Variants in ARHGEF38 observed in about 807,000 individuals in gnomAD.
The protein encoded by ARHGEF38 is Rho guanine nucleotide exchange factor 38, also known as Rho guanine nucleotide exchange factor (GEF) 38.
A neutral mutation model predicts 79.9 loss-of-function variants in ARHGEF38; 79 were observed. That is an observed-to-expected ratio of 0.99 (90% CI 0.82 to 1.19). The LOEUF is 1.19. ARHGEF38 is among the 50% of genes most tolerant of loss of function. The pLI, the probability that ARHGEF38 is intolerant of heterozygous loss-of-function variation, is 0.00. For missense variants in ARHGEF38, 962 were observed against 907.2 expected (o/e 1.06, Z -0.78); for synonymous variants, 366 against 328.3 (o/e 1.11, Z -1.24).
At chr4:105,666,996 G>A in intron 11 of ARHGEF38, 133 bp from the exon 12 acceptor site, 1 of 785,548 alleles carries the variant, frequency 1.3e-6, no homozygotes, top group South Asian at 2.0e-5. Flanking sequence ...CTCTATGCCT[G>A]CACCTTGAAA....
intron 7 of ARHGEF38, among the ~76,000 whole-genome samples, chr4:105,652,724 A>T (rs1168138166): frequency 1.2e-5 from 1 of 83,428 alleles, no homozygotes; most frequent in Non-Finnish European, 2.0e-5. Context: ...AACTGCATTT[A>T]AAAAAAAATC....
At chr4:105,617,765 A>G (rs186805512) in intron 3 of ARHGEF38, among the ~76,000 whole-genome samples, 175 of 152,340 alleles carry the variant, frequency 1.1e-3, no homozygotes, top group Non-Finnish European at 1.8e-3. Context: ...AGACATTGAA[A>G]TGTATCCCTA....
intron 3 of ARHGEF38, among the ~76,000 whole-genome samples, chr4:105,627,300 A>C (rs1728987383): frequency 6.6e-6 from 1 of 152,164 alleles, no homozygotes; most frequent in Non-Finnish European, 1.5e-5. Context: ...ACCCTTGTTT[A>C]CTTACCTGCA....
intron 2 of ARHGEF38, among the ~76,000 whole-genome samples, chr4:105,598,529 C>A (rs1257237539): frequency 6.6e-6 from 1 of 152,164 alleles, no homozygotes; most frequent in Non-Finnish European, 1.5e-5. Context: ...AAGGTGCTGA[C>A]TTGAAAATGT....
chr4:105,639,565 G>A (rs1270053445), intron 5 of ARHGEF38, among the ~76,000 whole-genome samples: 5 of 151,792 alleles, frequency 3.3e-5, no homozygotes, highest in African/African-American at 1.2e-4. Flanking sequence ...AAAGAATGAG[G>A]CCAAAATCCA....
Position 105,666,288 on chromosome 4 carries a change from A to T in ARHGEF38, c.1657A>T (p.Ser553Cys), listed in dbSNP as rs540351816. 6.5e-7 allele frequency: 1 copy of T among 1,532,386 alleles called. No individual in the cohort carries two copies. Among genetic ancestry groups the T allele is most frequent in the East Asian group, 2.5e-5 (1 of 40,782 alleles). The allele number at this position is 1,532,386 out of a possible 1,614,324, so 94.9% of individuals were successfully genotyped here. Reference protein sequence around the residue: ...NSATFIERKLSFEKKKPVQIL... With the variant: ...NSATFIERKLCFEKKKPVQIL... ...TGCCACCTTTATTGAGAGGAAACTC[A>T]GTTTTGAAAAGAAGAAACCTGTGCA... Residue 553 changes from serine to cysteine, a missense_variant, in exon 11 of 14, where the codon AGT becomes TGT. Coordinates refer to ENST00000420470, the MANE Select transcript of ARHGEF38 (RefSeq NM_001242729.2).
intron 1 of ARHGEF38, among the ~76,000 whole-genome samples, chr4:105,575,420 T>A (rs1004205409): frequency 1.3e-5 from 2 of 152,224 alleles, no homozygotes; most frequent in African/African-American, 4.8e-5. Context: ...ATGTTGAGCA[T>A]TTTTTCATGT....
intron 3 of ARHGEF38, among the ~76,000 whole-genome samples, chr4:105,618,365 T>C (rs959590671): frequency 1.3e-5 from 2 of 152,172 alleles, no homozygotes; most frequent in Non-Finnish European, 2.9e-5. Context: ...CGGCTGGGCA[T>C]GGTGGCTCAC....
At position 105,622,510 on chromosome 4, in the gene ARHGEF38, G is replaced by C. The variant is rs547977583; in HGVS notation, c.509-8388G>C. On this transcript the variant is annotated intron_variant, in intron 3 of 13. Transcript: ENST00000420470. ...CCTGGCTGTCATCACTAGTTTGATG[G>C]CTGTGAGCAAGTCACTTGAGCCAGT... Among the ~76,000 whole-genome samples the C allele has an allele frequency of 5.1e-4, 78 of 152,258 alleles. 1 individual carries two copies. Among genetic ancestry groups the C allele is most frequent in the African/African-American group, 1.9e-3 (77 of 41,534 alleles).
intron 2 of ARHGEF38, among the ~76,000 whole-genome samples, chr4:105,603,377 G>A (rs982061599): frequency 4.6e-5 from 7 of 152,064 alleles, no homozygotes; most frequent in South Asian, 2.1e-4. Context: ...CCTGACCCTC[G>A]GGAGGATGGG....
intron 5 of ARHGEF38, among the ~76,000 whole-genome samples, chr4:105,637,226 C>T (rs1245249547): frequency 1.3e-5 from 2 of 152,022 alleles, no homozygotes; most frequent in Non-Finnish European, 2.9e-5. Flanking sequence ...TTAATGTAAG[C>T]AGCAAATATC....
chr4:105,603,426 G>T (rs1410525455), intron 2 of ARHGEF38, among the ~76,000 whole-genome samples: 1 of 152,048 alleles, frequency 6.6e-6, no homozygotes, highest in Non-Finnish European at 1.5e-5. Context: ...TACTTGAACT[G>T]GTACCATCAT....
At chr4:105,602,058 A>G (rs1727845584) in intron 2 of ARHGEF38, among the ~76,000 whole-genome samples, 1 of 152,150 alleles carries the variant, frequency 6.6e-6, no homozygotes, top group African/African-American at 2.4e-5. Flanking sequence ...TGGATGAACA[A>G]CTTCAGGATG....
Position 105,679,496 on chromosome 4 carries a change from T to A in ARHGEF38, c.*1559T>A. On this transcript the variant is annotated 3_prime_UTR_variant, in exon 14 of 14. Transcript: ENST00000420470. ...TCACAAACCCCTTATCAGAGTTGAT[T>A]AAAGATCATGGTTCAAAGCTTGATA... 1 of 1,517,490 alleles carries A rather than the reference T, an allele frequency of 6.6e-7. No homozygotes were observed. Among genetic ancestry groups the A allele is most frequent in the Non-Finnish European group, 9.1e-7 (1 of 1,094,686 alleles). 94.0% of individuals were successfully genotyped at this position (1,517,490 alleles called of 1,614,324 possible). A position where few individuals can be genotyped will look rare whatever the true frequency, so the allele number is the denominator to read the frequency against.
intron 4 of ARHGEF38, among the ~76,000 whole-genome samples, chr4:105,634,231 C>T (rs1361973205): frequency 6.6e-6 from 1 of 152,138 alleles, no homozygotes; most frequent in Non-Finnish European, 1.5e-5. Context: ...ATCATACTTG[C>T]TGCTTTCCCT....
At chr4:105,634,426 G>A (rs769196243) in intron 4 of ARHGEF38, among the ~76,000 whole-genome samples, 1 of 152,148 alleles carries the variant, frequency 6.6e-6, no homozygotes, top group Non-Finnish European at 1.5e-5. Context: ...AGTCAAATTA[G>A]TGACCCCTAA....
At chr4:105,578,204 C>T (rs1034364972) in intron 1 of ARHGEF38, among the ~76,000 whole-genome samples, 2 of 152,032 alleles carry the variant, frequency 1.3e-5, no homozygotes, top group Admixed American at 6.6e-5. Flanking sequence ...AGGAGCAGAT[C>T]GTTTAATTTC....
chr4:105,613,728 A>G (rs1728399912), intron 3 of ARHGEF38, among the ~76,000 whole-genome samples: 1 of 151,812 alleles, frequency 6.6e-6, no homozygotes, highest in African/African-American at 2.4e-5. Flanking sequence ...AAAACATACC[A>G]TTTGCTTTTT....
chr4:105,610,594 G>A (rs555404649), intron 2 of ARHGEF38, among the ~76,000 whole-genome samples: 22 of 152,082 alleles, frequency 1.4e-4, no homozygotes, highest in Admixed American at 1.3e-3. Context: ...AAGTCTACGT[G>A]TACCAGACAT....
Sources: gnomAD v4.1 joint callset for allele counts (sites outside exome capture counted in the v4.1 genomes callset) on GRCh38, gnomAD v4.1.1 for gene constraint, MANE v1.5 for transcripts, NCBI Gene and HGNC (gene_info 2026-07-23, HGNC 2026-07-21) for gene names.